Variants in PCNX4 observed in about 807,000 individuals in gnomAD.
The protein encoded by PCNX4 is pecanex 4, also known as pecanex-like protein 4.
A neutral mutation model predicts 107.2 loss-of-function variants in PCNX4; 103 were observed. The observed-to-expected ratio is 0.96, with a 90% confidence interval of 0.82 to 1.13. The LOEUF (loss-of-function observed/expected upper bound fraction) is 1.13, where lower values mean the gene tolerates loss of function less well. Ranked by LOEUF, PCNX4 falls within the 50% of genes most tolerant of loss-of-function variation. The pLI is 0.00. For synonymous variants in PCNX4, 541 were observed against 481.7 expected, an observed-to-expected ratio of 1.12 and a Z score of -1.61; for missense variants, 1,528 against 1,379.4, an observed-to-expected ratio of 1.11 and a Z score of -1.71.
rs531362968 is a variant in PCNX4 at position 60,120,885 on chromosome 14, A to G, written c.1943-311A>G. On this transcript the variant is annotated intron_variant, in intron 7 of 10. Transcript: ENST00000406854. The stretch of plus-strand genomic sequence containing the variant: ...TGTCAAGCTGCCTTTTATAAACTCA[A>G]TACTTTTCCTAATATAATTAACATG... Among the ~76,000 whole-genome samples, 21 of 152,302 alleles carry G rather than the reference A, an allele frequency of 1.4e-4. No homozygotes were observed. In the East Asian group the frequency reaches 2.7e-3, roughly 20 times the overall value.
intron 3 of PCNX4, 47 bp downstream of exon 3, chr14:60,114,926 C>T (rs1417226305): frequency 1.6e-5 from 25 of 1,552,774 alleles, no homozygotes; most frequent in Non-Finnish European, 2.2e-5. Context: ...TCTTAAAGAA[C>T]ATTTTTCTTT....
intron 10 of PCNX4, 99 bp from the exon 11 acceptor site, chr14:60,133,871 A>G (rs746229222): frequency 7.4e-5 from 93 of 1,251,080 alleles, no homozygotes; most frequent in Non-Finnish European, 9.3e-5. Flanking sequence ...AGTTTGCCTA[A>G]TTACAATGCA....
Position 60,135,096 on chromosome 14 carries a change from C to T in PCNX4, c.*875C>T, listed in dbSNP as rs746199694. ...TTTTCATTCTCTTCTTGCTTAGGAA[C>T]GTTTTACAGATACATGTAAGGGGGA... is the stretch of plus-strand genomic sequence containing the variant. On this transcript the variant is annotated 3_prime_UTR_variant, in exon 11 of 11. Transcript: ENST00000406854. 1.3e-5 allele frequency: 2 copies of T among 152,116 alleles called. No individual in the cohort carries two copies. Among genetic ancestry groups the T allele is most frequent in the African/African-American group, 2.4e-5 (1 of 41,438 alleles). 9.4% of individuals were successfully genotyped at this position (152,116 alleles called of 1,614,324 possible).
Position 60,118,705 on chromosome 14 carries a change from G to C in PCNX4, c.1942+13G>C. 1.3e-6 allele frequency: 2 copies of C among 1,539,410 alleles called. No individual in the cohort carries two copies. The highest frequency in any genetic ancestry group is 2.1e-5 in the Admixed American group (1 of 47,580). On this transcript the variant is annotated intron_variant, in intron 7 of 10. Transcript: ENST00000406854. Reference sequence around the variant, plus strand: ...GCTGGAAGTTTAGGTAAGTAAATGGGTTGTGCTCAAGAATTTCTCACTAAT... The same window carrying C: ...GCTGGAAGTTTAGGTAAGTAAATGGCTTGTGCTCAAGAATTTCTCACTAAT...
intron 10 of PCNX4, among the ~76,000 whole-genome samples, chr14:60,128,980 C>T (rs149387318): frequency 2.7e-5 from 4 of 150,368 alleles, no homozygotes; most frequent in African/African-American, 4.9e-5. Context: ...TGGGAGGCCG[C>T]GGCAGGCGGA....
rs1422174306 is a variant in PCNX4 at position 60,115,839 on chromosome 14, A to C, written c.1458+20A>C. 6.2e-7 allele frequency: 1 copy of C among 1,600,588 alleles called. No homozygotes were observed. Among genetic ancestry groups the C allele is most frequent in the Non-Finnish European group, 8.5e-7 (1 of 1,170,898 alleles). On this transcript the variant is annotated intron_variant, in intron 5 of 10. Transcript: ENST00000406854. ...AGAATGGTAATCCTAATATGTGTTTAATAGTATTTTCCTATTGCTAAGTTT... is the reference window on the plus strand; with the variant it reads ...AGAATGGTAATCCTAATATGTGTTTCATAGTATTTTCCTATTGCTAAGTTT...
In PCNX4 at chr14:60,107,997, G is replaced by C. The variant is rs548703235; in HGVS notation, c.359G>C (p.Ser120Thr). ...GAGGAGGATGAGCATGAATTTACCA[G>C]TTGTACTGGTGCTGAGACTGTCAAA... The part of the protein sequence containing the change: ...LAEEDEHEFT[S>T]CTGAETVKFL... The change falls in exon 2 of 11, where the codon AGT becomes ACT. Residue 120 changes from serine to threonine, a missense_variant. Coordinates refer to ENST00000406854, the MANE Select transcript of PCNX4 (RefSeq NM_001330177.2). 1 of 1,612,868 alleles carries C rather than the reference G, an allele frequency of 6.2e-7. No individual in the cohort carries two copies. Among genetic ancestry groups the C allele is most frequent in the Admixed American group, 1.7e-5 (1 of 60,014 alleles).
chr14:60,115,295 ATTAC>A lies in PCNX4; in HGVS notation c.1195_1198del (p.Leu399Ter), dbSNP rs745407822. 1 of 1,608,914 alleles carries A rather than the reference ATTAC, an allele frequency of 6.2e-7. No individual in the cohort carries two copies. Among genetic ancestry groups the A allele is most frequent in the Admixed American group, 1.7e-5 (1 of 59,610 alleles). The stretch of plus-strand genomic sequence containing the variant: ...CTATTGTGGGCTATGGTTTGATGAT[ATTAC>A]TTATAATACTGTGGATACTTAGAGA... On this transcript the variant is annotated frameshift_variant, in exon 4 of 11. Transcript: ENST00000406854. LOFTEE classifies it high-confidence loss of function.
chr14:60,092,263 G>A lies in PCNX4; in HGVS notation c.-210G>A, dbSNP rs1215050130. 1.3e-5 allele frequency: 2 copies of A among 152,284 alleles called. No individual in the cohort carries two copies. The highest frequency in any genetic ancestry group is 2.9e-5 in the Non-Finnish European group (2 of 68,068). 9.4% of individuals were successfully genotyped at this position (152,284 alleles called of 1,614,324 possible). Reference sequence around the variant, plus strand: ...TGGAAACCGAGAGCTGGCCCGGGCGGGGCCGCGGTGAGCTCGTTATTCGGC... The same window carrying A: ...TGGAAACCGAGAGCTGGCCCGGGCGAGGCCGCGGTGAGCTCGTTATTCGGC... On this transcript the variant is annotated 5_prime_UTR_variant, in exon 1 of 11. Coordinates refer to ENST00000406854, the MANE Select transcript of PCNX4 (RefSeq NM_001330177.2).
rs1896243943 is a variant in PCNX4 at position 60,136,652 on chromosome 14, C to G, written c.*2431C>G. On this transcript the variant is annotated 3_prime_UTR_variant, in exon 11 of 11. Coordinates refer to ENST00000406854, the MANE Select transcript of PCNX4 (RefSeq NM_001330177.2). The stretch of plus-strand genomic sequence containing the variant: ...ACCAGCTTAATGCCAGAGCCCACCG[C>G]TGCTTACAGGCTGGGCGTACTTATA... The G allele has an allele frequency of 6.6e-6, 1 of 152,568 alleles. No homozygotes were observed. Among genetic ancestry groups the G allele is most frequent in the Admixed American group, 6.5e-5 (1 of 15,268 alleles). 9.5% of individuals were successfully genotyped at this position (152,568 alleles called of 1,614,324 possible).
At chr14:60,121,161 C>CTTTTTTTTTTTTTTTTTTTTTTTATTTT in intron 7 of PCNX4, 35 bp from the exon 8 acceptor site, 1 of 1,101,176 alleles carries the variant, frequency 9.1e-7, no homozygotes, top group Non-Finnish European at 1.2e-6. Context: ...AAATGATTTT[C>CTTTTTTTTTTTTTTTTTTTTTTTATTTT]TTTTTTTTTT....
At chr14:60,132,545 T>C (rs1379369983) in intron 10 of PCNX4, among the ~76,000 whole-genome samples, 1 of 152,092 alleles carries the variant, frequency 6.6e-6, no homozygotes, top group East Asian at 1.9e-4. Context: ...GACCTTAAAC[T>C]TGGCAATAGA....
chr14:60,118,945 C>T (rs966041333), intron 7 of PCNX4, among the ~76,000 whole-genome samples: 4 of 152,124 alleles, frequency 2.6e-5, no homozygotes, highest in African/African-American at 9.7e-5. Flanking sequence ...TTTTTAAATA[C>T]ATTTTCTTGA....
chr14:60,129,924 A>C (rs1243040827), intron 10 of PCNX4, among the ~76,000 whole-genome samples: 1 of 152,250 alleles, frequency 6.6e-6, no homozygotes, highest in East Asian at 1.9e-4. Flanking sequence ...AAGAGGGATA[A>C]AAGTCAAGAA....
At chr14:60,132,977 C>T (rs1208656184) in intron 10 of PCNX4, among the ~76,000 whole-genome samples, 1 of 152,062 alleles carries the variant, frequency 6.6e-6, no homozygotes, top group African/African-American at 2.4e-5. Flanking sequence ...AAATTGGAAC[C>T]CTCTTCTGCT....
At chr14:60,120,292 C>T (rs1056488956) in intron 7 of PCNX4, among the ~76,000 whole-genome samples, 6 of 152,110 alleles carry the variant, frequency 3.9e-5, no homozygotes, top group Non-Finnish European at 8.8e-5. Flanking sequence ...GACTCAATGC[C>T]CAGGGCTTTT....
intron 1 of PCNX4, among the ~76,000 whole-genome samples, chr14:60,103,663 A>G (rs1173438956): frequency 6.6e-6 from 1 of 152,194 alleles, no homozygotes; most frequent in Admixed American, 6.5e-5. Flanking sequence ...TCTTATGCCT[A>G]CTGTTCTACC....
intron 2 of PCNX4, among the ~76,000 whole-genome samples, chr14:60,112,306 T>G (rs1335624515): frequency 1.3e-5 from 2 of 152,206 alleles, no homozygotes; most frequent in East Asian, 1.9e-4. Context: ...GTGCAAAATT[T>G]GAAACATTTT....
intron 2 of PCNX4, chr14:60,109,955 T>C (rs1345551694): frequency 6.0e-6 from 1 of 167,136 alleles, no homozygotes; most frequent in East Asian, 1.9e-4. Flanking sequence ...TTCTCCTGTT[T>C]CTAGTAAAAT....
Sources: allele counts gnomAD v4.1 joint callset (sites outside exome capture counted in the v4.1 genomes callset), GRCh38; gene constraint gnomAD v4.1.1; transcripts MANE v1.5; gene names NCBI Gene and HGNC (gene_info 2026-07-23, HGNC 2026-07-21).